Variants in BMP2K observed in about 807,000 individuals in gnomAD.
BMP2K encodes BMP2 inducible kinase.
In BMP2K, 74 loss-of-function variants were observed where a neutral mutation model predicts 116.0. The ratio of observed to expected loss-of-function variants is 0.64; its 90% CI spans 0.53 to 0.77. The LOEUF is 0.77. Among genes scored for constraint, BMP2K ranks in the 30% least tolerant of loss-of-function variants. The probability of loss-of-function intolerance (pLI) is 0.00; values close to 1 mark genes in which losing one functional copy is unlikely to be tolerated. For synonymous variants in BMP2K, 486 were observed against 502.5 expected, an observed-to-expected ratio of 0.97 and a Z score of 0.44; for missense variants, 1,365 against 1,403.6, an observed-to-expected ratio of 0.97 and a Z score of 0.44.
chr4:78,891,555 T>C (rs1733440596), intron 15 of BMP2K, among the ~76,000 whole-genome samples: 1 of 152,218 alleles, frequency 6.6e-6, no homozygotes, highest in Non-Finnish European at 1.5e-5. Context: ...TTTGTTCTCC[T>C]CTGTTTTCTA....
At chr4:78,851,170 A>G in intron 7 of BMP2K, 114 bp downstream of exon 7, 2 of 1,116,370 alleles carry the variant, frequency 1.8e-6, no homozygotes, top group Non-Finnish European at 2.4e-6. Flanking sequence ...ATTTTGTGAA[A>G]CTATAGTAAA....
At chr4:78,860,227 G>T (rs1468513445) in intron 8 of BMP2K, 1 of 337,964 alleles carries the variant, frequency 3.0e-6, no homozygotes, top group African/African-American at 2.2e-5. Flanking sequence ...TTACCTAATG[G>T]GTACAATATA....
chr4:78,887,423 C>T (rs1733156121), intron 15 of BMP2K, 139 bp downstream of exon 15: 2 of 670,566 alleles, frequency 3.0e-6, no homozygotes, highest in Non-Finnish European at 5.2e-6. Context: ...AGCCATCCTA[C>T]TCTTCTTAAT....
chr4:78,780,225 G>A (rs190078254), intron 1 of BMP2K, among the ~76,000 whole-genome samples: 1 of 152,244 alleles, frequency 6.6e-6, no homozygotes, highest in East Asian at 1.9e-4. Flanking sequence ...ACCTAAAATG[G>A]GGTGTTGAGA....
At chr4:78,879,566 C>T (rs1303038694) in intron 14 of BMP2K, 1 of 439,802 alleles carries the variant, frequency 2.3e-6, no homozygotes, top group Non-Finnish European at 3.0e-6. Context: ...GAGTAGGTTG[C>T]CAAATAGGAG....
chr4:78,827,605 G>C (rs761037947), intron 2 of BMP2K, among the ~76,000 whole-genome samples: 1 of 152,136 alleles, frequency 6.6e-6, no homozygotes, highest in East Asian at 1.9e-4. Context: ...CAATCTGGAA[G>C]GGAGTTCTTC....
At chr4:78,860,097 T>A (rs1161465850) in intron 8 of BMP2K, 2 of 514,334 alleles carry the variant, frequency 3.9e-6, no homozygotes, top group Admixed American at 4.0e-5. Context: ...TGGGAAACTT[T>A]GGTATAAAGA....
At chr4:78,819,979 G>GT (rs1349339166) in intron 1 of BMP2K, among the ~76,000 whole-genome samples, 1 of 152,100 alleles carries the variant, frequency 6.6e-6, no homozygotes, top group Non-Finnish European at 1.5e-5. Context: ...TCATCTAATA[G>GT]TAGGGTGTGG....
intron 1 of BMP2K, among the ~76,000 whole-genome samples, chr4:78,781,104 AGAT>A (rs934114133): frequency 2.6e-5 from 4 of 152,212 alleles, no homozygotes; most frequent in African/African-American, 9.7e-5. Flanking sequence ...GAGAGATCCA[AGAT>A]GATGTTGGCA....
chr4:78,799,358 T>C (rs1728456756), intron 1 of BMP2K, among the ~76,000 whole-genome samples: 2 of 152,200 alleles, frequency 1.3e-5, no homozygotes, highest in Admixed American at 1.3e-4. Flanking sequence ...GCATAGACTT[T>C]ATGTAAATAC....
intron 1 of BMP2K, among the ~76,000 whole-genome samples, chr4:78,777,591 C>T (rs932053206): frequency 6.6e-6 from 1 of 152,108 alleles, no homozygotes; most frequent in Non-Finnish European, 1.5e-5. Context: ...GCTTCATTGG[C>T]CTTTGAGTTT....
At chr4:78,860,386 T>TA (rs1731714790) in intron 8 of BMP2K, among the ~76,000 whole-genome samples, 1 of 151,934 alleles carries the variant, frequency 6.6e-6, no homozygotes, top group Non-Finnish European at 1.5e-5. Context: ...AGATTCAGTT[T>TA]TGTCCTTATC....
intron 13 of BMP2K, among the ~76,000 whole-genome samples, chr4:78,877,632 CT>C (rs1476125411): frequency 1.3e-5 from 2 of 152,126 alleles, no homozygotes; most frequent in Non-Finnish European, 2.9e-5. Context: ...TTACAGTCGA[CT>C]TTAAATAAAA....
intron 1 of BMP2K, among the ~76,000 whole-genome samples, chr4:78,809,619 A>G (rs1728987966): frequency 6.6e-6 from 1 of 150,564 alleles, no homozygotes; most frequent in African/African-American, 2.4e-5. Flanking sequence ...AGCTCATGTG[A>G]CTTTTCTGCC....
chr4:78,861,339 C>A, intron 8 of BMP2K, 50 bp from the exon 9 acceptor site: 1 of 1,446,980 alleles, frequency 6.9e-7, no homozygotes, highest in Non-Finnish European at 9.4e-7. Flanking sequence ...AAACTTTCTG[C>A]AATTAAAATA....
chr4:78,817,950 A>G lies in BMP2K; in HGVS notation c.179-8087A>G, dbSNP rs1275113841. ...GAACAGACATATATTTTTTTCTTAT[A>G]TTATGGTAATAGAGTGATGCTTAAT... is the stretch of plus-strand genomic sequence containing the variant. On this transcript the variant is annotated intron_variant, in intron 1 of 15. Coordinates refer to ENST00000502613, the MANE Select transcript of BMP2K (RefSeq NM_198892.2). Among the ~76,000 whole-genome samples the G allele has an allele frequency of 2.0e-5, 3 of 152,152 alleles. No homozygotes were observed. The East Asian group carries it at 5.8e-4, about 29-fold the overall frequency.
rs557130261 is a variant in BMP2K at position 78,900,265 on chromosome 4, T to C, written c.2063-10345T>C. 4.3e-4 allele frequency among the ~76,000 whole-genome samples: 65 copies of C among 152,306 alleles called. No individual in the cohort carries two copies. The South Asian group carries it at 0.013, about 30-fold the overall frequency. On this transcript the variant is annotated intron_variant, in intron 15 of 15. Coordinates refer to ENST00000502613, the MANE Select transcript of BMP2K (RefSeq NM_198892.2). ...TATAACATTCAAAATATGTTATTAG[T>C]TGATTATGTTATCAGCAAGGCTTCT...
chr4:78,855,807 G>T (rs1200413564), intron 7 of BMP2K, among the ~76,000 whole-genome samples: 1 of 152,226 alleles, frequency 6.6e-6, no homozygotes, highest in East Asian at 1.9e-4. Context: ...TTACACTATT[G>T]AGTGAGCAGA....
intron 15 of BMP2K, among the ~76,000 whole-genome samples, chr4:78,891,385 C>T (rs1234027991): frequency 6.6e-6 from 1 of 152,096 alleles, no homozygotes; most frequent in Non-Finnish European, 1.5e-5. Context: ...ATTCATTGTG[C>T]TGGGGACCTA....
Sources: gnomAD v4.1 joint callset for allele counts (sites outside exome capture counted in the v4.1 genomes callset) on GRCh38, gnomAD v4.1.1 for gene constraint, MANE v1.5 for transcripts, NCBI Gene and HGNC (gene_info 2026-07-23, HGNC 2026-07-21) for gene names.